GPC5: variants seen among roughly 807,000 people sequenced by gnomAD.
The protein encoded by GPC5 is glypican-5.
A neutral mutation model predicts 53.9 loss-of-function variants in GPC5; 47 were observed. That is an observed-to-expected ratio of 0.87 (90% confidence interval 0.69 to 1.11). The LOEUF (loss-of-function observed/expected upper bound fraction) is 1.11. Among genes scored for constraint, GPC5 ranks in the 50% most tolerant of loss-of-function variants. GPC5 has a pLI of 0.00. For missense variants in GPC5, 748 were observed against 713.1 expected, an observed-to-expected ratio of 1.05 and a Z score of -0.56; for synonymous variants, 286 against 263.3, an observed-to-expected ratio of 1.09 and a Z score of -0.84.
chr13:92,189,879 C>T (rs554011453), intron 7 of GPC5, among the ~76,000 whole-genome samples: 13 of 152,150 alleles, frequency 8.5e-5, no homozygotes, highest in Middle Eastern at 3.4e-3. Flanking sequence ...TTGAAGATTT[C>T]GCAACAGACA....
intron 7 of GPC5, among the ~76,000 whole-genome samples, chr13:92,365,179 C>A (rs964673346): frequency 6.6e-6 from 1 of 151,636 alleles, no homozygotes; most frequent in African/African-American, 2.4e-5. Context: ...CACTACGTAC[C>A]CAGGCTGTGT....
At chr13:91,847,994 G>A (rs577863548) in intron 5 of GPC5, among the ~76,000 whole-genome samples, 42 of 152,284 alleles carry the variant, frequency 2.8e-4, no homozygotes, top group Admixed American at 2.2e-3. Flanking sequence ...AGGTATTGAT[G>A]TGGCTCTTGG....
At chr13:92,168,992 C>T (rs764964370) in intron 7 of GPC5, among the ~76,000 whole-genome samples, 15 of 152,090 alleles carry the variant, frequency 9.9e-5, no homozygotes, top group African/African-American at 1.4e-4. Flanking sequence ...TGGAATACTT[C>T]GCAGCCATAA....
intron 7 of GPC5, among the ~76,000 whole-genome samples, chr13:92,554,939 T>TG (rs1157082258): frequency 4.0e-5 from 6 of 150,456 alleles, no homozygotes; most frequent in South Asian, 2.1e-4. Context: ...AGTTTTGAGT[T>TG]TGTTTTTTTT....
chr13:91,577,531 G>C (rs1414081218), intron 2 of GPC5, among the ~76,000 whole-genome samples: 2 of 152,098 alleles, frequency 1.3e-5, no homozygotes, highest in African/African-American at 4.8e-5. Context: ...GACTGTTGTT[G>C]ATGCCTTCCT....
At chr13:92,209,866 G>T (rs1176024450) in intron 7 of GPC5, among the ~76,000 whole-genome samples, 2 of 152,030 alleles carry the variant, frequency 1.3e-5, no homozygotes, top group Non-Finnish European at 2.9e-5. Context: ...CCCACAATAG[G>T]CCATCTGCAA....
chr13:91,674,509 A>G (rs1433042347), intron 2 of GPC5, among the ~76,000 whole-genome samples: 1 of 149,782 alleles, frequency 6.7e-6, no homozygotes, highest in Non-Finnish European at 1.5e-5. Context: ...ATATGTGTAT[A>G]TATACACATA....
chr13:91,718,204 C>T (rs556793545), intron 3 of GPC5, among the ~76,000 whole-genome samples: 8 of 152,004 alleles, frequency 5.3e-5, no homozygotes, highest in Non-Finnish European at 1.0e-4. Flanking sequence ...TCCGCTTCCC[C>T]GGTTCATGCC....
chr13:91,929,103 A>C (rs771097321), intron 6 of GPC5, among the ~76,000 whole-genome samples: 10 of 152,208 alleles, frequency 6.6e-5, no homozygotes, highest in Admixed American at 3.9e-4. Context: ...TTGGATTATG[A>C]CTGGGTGGCA....
intron 7 of GPC5, among the ~76,000 whole-genome samples, chr13:92,405,483 T>C (rs1875752869): frequency 6.6e-6 from 1 of 152,222 alleles, no homozygotes; most frequent in African/African-American, 2.4e-5. Context: ...TATTTAAGTG[T>C]ATAGAACCTA....
chr13:92,007,859 C>A (rs969435613), intron 6 of GPC5, among the ~76,000 whole-genome samples: 5 of 152,028 alleles, frequency 3.3e-5, no homozygotes, highest in Non-Finnish European at 5.9e-5. Context: ...GCACTGGCAA[C>A]GTATCCTAGT....
At chr13:92,643,883 AAG>A (rs869091326) in intron 7 of GPC5, among the ~76,000 whole-genome samples, 1 of 127,308 alleles carries the variant, frequency 7.9e-6, no homozygotes, top group South Asian at 2.4e-4. Context: ...ATAATAAAAA[AAG>A]AACACACACA....
intron 5 of GPC5, among the ~76,000 whole-genome samples, chr13:91,890,244 GGCATATAT>G (rs1295514439): frequency 6.6e-6 from 1 of 152,104 alleles, no homozygotes; most frequent in Admixed American, 6.6e-5. Context: ...CTTGTTATCA[GGCATATAT>G]GCATGAGAAT....
At chr13:92,327,907 T>C (rs1350729360) in intron 7 of GPC5, among the ~76,000 whole-genome samples, 1 of 152,158 alleles carries the variant, frequency 6.6e-6, no homozygotes, top group Non-Finnish European at 1.5e-5. Context: ...GAGAGATGTT[T>C]CCATCTTGTC....
rs1007479037 is a variant in GPC5, at chr13:92,060,562, A to G, written c.1402-84268A>G. Among the ~76,000 whole-genome samples, 21 of 152,164 alleles carry G rather than the reference A, an allele frequency of 1.4e-4. No individual in the cohort carries two copies. The South Asian group carries it at 3.5e-3, about 26-fold the overall frequency. The stretch of plus-strand genomic sequence containing the variant: ...TCATCAACAGCAAAACAAGATATAG[A>G]ATTCTCAGAGTTCTTTCTTACTTGA... On this transcript the variant is annotated intron_variant, in intron 6 of 7. Coordinates refer to ENST00000377067, the MANE Select transcript of GPC5 (RefSeq NM_004466.6).
intron 2 of GPC5, among the ~76,000 whole-genome samples, chr13:91,568,565 A>C (rs1020267249): frequency 6.6e-6 from 1 of 151,798 alleles, no homozygotes; most frequent in East Asian, 1.9e-4. Flanking sequence ...TTTATTGAAA[A>C]AAAAAAAGGC....
intron 7 of GPC5, among the ~76,000 whole-genome samples, chr13:92,848,628 ACTCT>A (rs989222446): frequency 5.9e-5 from 9 of 151,978 alleles, no homozygotes; most frequent in Non-Finnish European, 1.2e-4. Flanking sequence ...GACATATATG[ACTCT>A]CTGTGTGTGA....
intron 6 of GPC5, among the ~76,000 whole-genome samples, chr13:92,141,190 T>A (rs1197630971): frequency 6.6e-6 from 1 of 152,128 alleles, no homozygotes; most frequent in Non-Finnish European, 1.5e-5. Flanking sequence ...TATTACAATA[T>A]GAGAGTGAAA....
chr13:92,659,426 C>T (rs1886263652), intron 7 of GPC5, among the ~76,000 whole-genome samples: 1 of 145,894 alleles, frequency 6.9e-6, no homozygotes, highest in African/African-American at 2.6e-5. Flanking sequence ...TTGCCTCTTC[C>T]AGAGCAATTA....
Sources: allele counts gnomAD v4.1 joint callset (sites outside exome capture counted in the v4.1 genomes callset), GRCh38; gene constraint gnomAD v4.1.1; transcripts MANE v1.5; gene names NCBI Gene and HGNC (gene_info 2026-07-23, HGNC 2026-07-21).